Variants in NRN1 observed in about 807,000 individuals in gnomAD.
NRN1 encodes the protein neuritin.
A neutral mutation model predicts 15.0 loss-of-function variants in NRN1; 4 were observed. The observed-to-expected ratio is 0.27, with a 90% CI of 0.13 to 0.61. The LOEUF (loss-of-function observed/expected upper bound fraction) is 0.61. Ranked by LOEUF, NRN1 falls within the 20% of genes least tolerant of loss-of-function variation. The probability of loss-of-function intolerance (pLI) is 0.87; values close to 1 mark genes in which losing one functional copy is unlikely to be tolerated. For synonymous variants in NRN1, 85 were observed against 79.8 expected (o/e 1.07, Z -0.35); for missense variants, 134 against 181.9 (o/e 0.74, Z 1.51).
chr6:6,000,965 G>A (rs1372543487), intron 2 of NRN1, among the ~76,000 whole-genome samples: 2 of 151,982 alleles, frequency 1.3e-5, no homozygotes, highest in Non-Finnish European at 2.9e-5. Flanking sequence ...AAATAGCTTG[G>A]AATAAACAAG....
chr6:6,003,886 C>G (rs1424720097), intron 1 of NRN1: 6 of 1,230,888 alleles, frequency 4.9e-6, no homozygotes, highest in Non-Finnish European at 5.1e-6. Context: ...CGCCCACGAC[C>G]CTGGGCGCCG....
At chr6:6,004,433 A>G (rs965626005) in intron 1 of NRN1, among the ~76,000 whole-genome samples, 4 of 152,100 alleles carry the variant, frequency 2.6e-5, no homozygotes, top group Non-Finnish European at 5.9e-5. Flanking sequence ...CCCCTTGCCT[A>G]CACCCCCAAA....
At chr6:6,000,479 C>T (rs1355107648) in intron 2 of NRN1, among the ~76,000 whole-genome samples, 1 of 152,202 alleles carries the variant, frequency 6.6e-6, no homozygotes, top group Non-Finnish European at 1.5e-5. Flanking sequence ...AGGTCACAGG[C>T]ACCTGCCTTC....
At chr6:6,003,100 G>T in intron 1 of NRN1, 2 of 867,230 alleles carry the variant, frequency 2.3e-6, no homozygotes, top group South Asian at 5.8e-5. Context: ...ATGAATGAAC[G>T]AATATAGTCC....
rs1757845174 is a variant in NRN1, at chr6:5,998,943, T to C, written c.*33A>G. ...GATTTCCGGGAGCATGGAGTGAGTGTGGGTGGGCGCGCGGGGGGAGCTGGC... is the reference window on the plus strand; with the variant it reads ...GATTTCCGGGAGCATGGAGTGAGTGCGGGTGGGCGCGCGGGGGGAGCTGGC... On this transcript the variant is annotated 3_prime_UTR_variant, in exon 3 of 3. Transcript: ENST00000244766. 2.0e-6 allele frequency: 3 copies of C among 1,513,436 alleles called. No individual in the cohort carries two copies. The highest frequency in any genetic ancestry group is 1.4e-5 in the African/African-American group (1 of 73,066). The allele number at this position is 1,513,436 out of a possible 1,614,324, so 93.8% of individuals were successfully genotyped here. A position where few individuals can be genotyped will look rare whatever the true frequency, so the allele number is the denominator to read the frequency against.
At chr6:6,007,047 TG>T (rs1298320706), upstream of NRN1, 1 of 382,624 alleles carries the variant, frequency 2.6e-6, no homozygotes, top group African/African-American at 2.2e-5. Context: ...AGGCCTGACG[TG>T]GGGGATGACA....
upstream of NRN1, among the ~76,000 whole-genome samples, chr6:6,007,230 C>T (rs1418019034): frequency 2.6e-5 from 4 of 152,170 alleles, no homozygotes; most frequent in East Asian, 7.8e-4. Context: ...CTTCCTCGTT[C>T]CGGGGGCCCC....
In NRN1 at chr6:5,998,707, C is replaced by T. The variant is rs1223453369; in HGVS notation, c.*269G>A. 2 of 345,672 alleles carry T rather than the reference C, an allele frequency of 5.8e-6. No homozygotes were observed. The highest frequency in any genetic ancestry group is 1.0e-5 in the Non-Finnish European group (2 of 193,276). The allele number at this position is 345,672 out of a possible 1,614,324, so 21.4% of individuals were successfully genotyped here. On this transcript the variant is annotated 3_prime_UTR_variant, in exon 3 of 3. Transcript: ENST00000244766. ...AAATTAAAAAATGGGGTGGGTTTGC[C>T]GTTTTCTTATTTGTGTGTGAAGACG...
chr6:6,003,798 G>A, intron 1 of NRN1: 5 of 1,233,960 alleles, frequency 4.1e-6, no homozygotes, highest in Non-Finnish European at 5.1e-6. Flanking sequence ...AGCAGCCCGG[G>A]CGCCGGGAGG....
chr6:6,005,693 G>A (rs1758094293), intron 1 of NRN1, among the ~76,000 whole-genome samples: 1 of 152,186 alleles, frequency 6.6e-6, no homozygotes, highest in African/African-American at 2.4e-5. Context: ...TCCGTTTCAG[G>A]AGTTTCTTTT....
In NRN1 at chr6:6,003,700, T is replaced by C. The variant is rs748160380; in HGVS notation, c.56-1203A>G. 2.0e-3 allele frequency: 2,497 copies of C among 1,234,276 alleles called. 4 individuals are homozygous for C. Among genetic ancestry groups the C allele is most frequent in the Non-Finnish European group, 2.3e-3 (2,320 of 988,208 alleles). The allele number at this position is 1,234,276 out of a possible 1,614,324, so 76.5% of individuals were successfully genotyped here. A position where few individuals can be genotyped will look rare whatever the true frequency, so the allele number is the denominator to read the frequency against. On this transcript the variant is annotated intron_variant, in intron 1 of 2. Coordinates refer to ENST00000244766, the MANE Select transcript of NRN1 (RefSeq NM_016588.3). ...CGAGGCGCGGGACTGGAAGGACAGG[T>C]ACCAGGCTGCGGGCGCGCGGCTGTG...
rs1758123714 is a variant in NRN1 at position 6,006,872 on chromosome 6, T to C, written c.-123A>G. The C allele has an allele frequency of 4.2e-6, 3 of 718,638 alleles. No homozygotes were observed. Among genetic ancestry groups the C allele is most frequent in the African/African-American group, 3.7e-5 (2 of 53,618 alleles). 44.5% of individuals were successfully genotyped at this position (718,638 alleles called of 1,614,324 possible). A position where few individuals can be genotyped will look rare whatever the true frequency, so the allele number is the denominator to read the frequency against. On this transcript the variant is annotated 5_prime_UTR_variant, in exon 1 of 3. Coordinates refer to ENST00000244766, the MANE Select transcript of NRN1 (RefSeq NM_016588.3). ...CGGGAGCGACAGAGACTTTATGCAC[T>C]GGGAAGGCAGAGGGAGGAGAGAAAG...
intron 2 of NRN1, among the ~76,000 whole-genome samples, chr6:6,001,747 C>T (rs1468716183): frequency 6.6e-6 from 1 of 152,214 alleles, no homozygotes; most frequent in Admixed American, 6.5e-5. Context: ...GATAGCGTTT[C>T]GGCCTGTCTC....
rs925363826 is a variant in NRN1, at chr6:5,998,369, G to A, written c.*607C>T. 6.6e-6 allele frequency: 1 copy of A among 152,308 alleles called. No individual in the cohort carries two copies. Among genetic ancestry groups the A allele is most frequent in the Non-Finnish European group, 1.5e-5 (1 of 68,144 alleles). The allele number at this position is 152,308 out of a possible 1,614,324, so 9.4% of individuals were successfully genotyped here. A position where few individuals can be genotyped will look rare whatever the true frequency, so the allele number is the denominator to read the frequency against. ...TACTCTTACCCCAGAGATTTCCTCA[G>A]CCCCTTCCCTCTCTCCCTCCTATCC... On this transcript the variant is annotated 3_prime_UTR_variant, in exon 3 of 3. Coordinates refer to ENST00000244766, the MANE Select transcript of NRN1 (RefSeq NM_016588.3).
At chr6:6,003,687 C>A in intron 1 of NRN1, 1 of 1,233,904 alleles carries the variant, frequency 8.1e-7, no homozygotes, top group Non-Finnish European at 1.0e-6. Flanking sequence ...AGGCGCGGGA[C>A]TGGAAGGACA....
intron 1 of NRN1, chr6:6,003,759 G>A (rs537387303): frequency 8.1e-7 from 1 of 1,234,124 alleles, no homozygotes; most frequent in Admixed American, 4.2e-5. Flanking sequence ...CGACGAACCC[G>A]GCTGGAAGCT....
At chr6:6,006,637 G>T in intron 1 of NRN1, 58 bp downstream of exon 1, 3 of 1,568,488 alleles carry the variant, frequency 1.9e-6, no homozygotes, top group Non-Finnish European at 2.6e-6. Context: ...TCCGCGCCTC[G>T]GGCCGGGGCA....
intron 1 of NRN1, chr6:6,003,240 G>T: frequency 8.1e-7 from 1 of 1,234,550 alleles, no homozygotes; most frequent in African/African-American, 1.5e-5. Context: ...GGGCAGCCTG[G>T]ACGTCCTGAG....
intron 2 of NRN1, 148 bp downstream of exon 2, chr6:6,002,205 G>T: frequency 9.7e-7 from 1 of 1,028,338 alleles, no homozygotes; most frequent in Non-Finnish European, 1.4e-6. Flanking sequence ...CTGGTCCTAG[G>T]CCTGGGGGTT....
Sources: gnomAD v4.1 joint callset for allele counts (sites outside exome capture counted in the v4.1 genomes callset) on GRCh38, gnomAD v4.1.1 for gene constraint, MANE v1.5 for transcripts, NCBI Gene and HGNC (gene_info 2026-07-23, HGNC 2026-07-21) for gene names.